ENTREP2: variants seen among roughly 807,000 people sequenced by gnomAD.
ENTREP2 encodes protein ENTREP2.
At chr15:29,254,655 G>A in the ENTREP2 span, among the ~76,000 whole-genome samples, 6 of 152,046 alleles carry the variant, frequency 3.9e-5, no homozygotes, top group Non-Finnish European at 7.4e-5. Flanking sequence ...TCAGGAGTTC[G>A]AGACCAGCCT....
At chr15:29,480,189 C>T in the ENTREP2 span, among the ~76,000 whole-genome samples, 1 of 151,916 alleles carries the variant, frequency 6.6e-6, no homozygotes, top group Non-Finnish European at 1.5e-5. Context: ...ATTCAAGTTA[C>T]TAGTATGCTT....
At chr15:29,665,590 A>G in the ENTREP2 span, among the ~76,000 whole-genome samples, 1 of 152,144 alleles carries the variant, frequency 6.6e-6, no homozygotes, top group African/African-American at 2.4e-5. Context: ...ATATTTGGAG[A>G]GCTGCGCTGA....
chr15:29,254,402 A>G, the ENTREP2 span, among the ~76,000 whole-genome samples: 1 of 152,112 alleles, frequency 6.6e-6, no homozygotes, highest in Non-Finnish European at 1.5e-5. Context: ...CCCCACTGAT[A>G]TTGGCCACTT....
chr15:29,298,459 A>C, the ENTREP2 span, among the ~76,000 whole-genome samples: 4 of 152,204 alleles, frequency 2.6e-5, no homozygotes, highest in Non-Finnish European at 2.9e-5. Context: ...TAAAACTGGC[A>C]AATCTGAGGT....
At chr15:29,399,882 T>G in the ENTREP2 span, among the ~76,000 whole-genome samples, 2 of 152,172 alleles carry the variant, frequency 1.3e-5, no homozygotes, top group African/African-American at 4.8e-5. Context: ...AAGGCCTTCA[T>G]CCTTGTCATC....
chr15:29,360,000 G>T, the ENTREP2 span, among the ~76,000 whole-genome samples: 1 of 152,130 alleles, frequency 6.6e-6, no homozygotes, highest in Non-Finnish European at 1.5e-5. Flanking sequence ...AAGAAAATCT[G>T]GTAACTAATA....
the ENTREP2 span, among the ~76,000 whole-genome samples, chr15:29,232,021 C>G: frequency 6.6e-6 from 1 of 151,786 alleles, no homozygotes; most frequent in African/African-American, 2.4e-5. Context: ...TCCTGAGTAG[C>G]TGGGATTACA....
At chr15:29,216,246 A>G in the ENTREP2 span, among the ~76,000 whole-genome samples, 1 of 152,212 alleles carries the variant, frequency 6.6e-6, no homozygotes, top group Admixed American at 6.5e-5. Flanking sequence ...ACTGGATACA[A>G]AATTCTTGGC....
At chr15:29,560,560 C>A in the ENTREP2 span, among the ~76,000 whole-genome samples, 2 of 152,034 alleles carry the variant, frequency 1.3e-5, no homozygotes, top group Non-Finnish European at 1.5e-5. Context: ...GCACTCACTG[C>A]ACAGTCATCA....
At chr15:29,548,403 T>C in the ENTREP2 span, among the ~76,000 whole-genome samples, 18 of 145,830 alleles carry the variant, frequency 1.2e-4, no homozygotes, top group African/African-American at 4.2e-4. Context: ...TGCAGTGAGC[T>C]GAGATCATGC....
the ENTREP2 span, among the ~76,000 whole-genome samples, chr15:29,129,357 C>A: frequency 6.6e-6 from 1 of 152,208 alleles, no homozygotes; most frequent in Non-Finnish European, 1.5e-5. Flanking sequence ...TGAGCCACCG[C>A]CCCTGGCCGA....
chr15:29,185,280 A>G, the ENTREP2 span, among the ~76,000 whole-genome samples: 1 of 152,064 alleles, frequency 6.6e-6, no homozygotes, highest in African/African-American at 2.4e-5. Context: ...ACCAGTGCCT[A>G]TCGGTTTCGG....
the ENTREP2 span, among the ~76,000 whole-genome samples, chr15:29,488,431 CATACCA>C: frequency 0.011 from 1,657 of 152,248 alleles, 28 homozygotes; most frequent in African/African-American, 0.038. Context: ...TGCCATCAAG[CATACCA>C]ATACCAAGTA....
chr15:29,519,313 G>C, the ENTREP2 span, among the ~76,000 whole-genome samples: 16 of 151,894 alleles, frequency 1.1e-4, no homozygotes, highest in Non-Finnish European at 2.2e-4. Flanking sequence ...CTTATATGTG[G>C]ATTTTTTTCC....
the ENTREP2 span, among the ~76,000 whole-genome samples, chr15:29,538,148 C>T: frequency 6.6e-6 from 1 of 152,094 alleles, no homozygotes; most frequent in Non-Finnish European, 1.5e-5. Flanking sequence ...ACAGCAGTGT[C>T]TGGGATAGGG....
At chr15:29,297,137 G>A in the ENTREP2 span, among the ~76,000 whole-genome samples, 14 of 152,164 alleles carry the variant, frequency 9.2e-5, no homozygotes, top group Middle Eastern at 3.4e-3. Context: ...TCTCTGAAGC[G>A]AACAAAATCT....
the ENTREP2 span, among the ~76,000 whole-genome samples, chr15:29,503,101 A>G: frequency 6.6e-6 from 1 of 152,122 alleles, no homozygotes; most frequent in African/African-American, 2.4e-5. Flanking sequence ...TTACATATAT[A>G]CCTAACAGTA....
the ENTREP2 span, among the ~76,000 whole-genome samples, chr15:29,444,949 G>A: frequency 1.3e-5 from 2 of 152,218 alleles, no homozygotes; most frequent in Non-Finnish European, 2.9e-5. Flanking sequence ...AAGGATGGAT[G>A]TATCAGACTG....
the ENTREP2 span, among the ~76,000 whole-genome samples, chr15:29,318,510 C>T: frequency 6.6e-6 from 1 of 152,016 alleles, no homozygotes; most frequent in Non-Finnish European, 1.5e-5. Context: ...TTAGTAGAGA[C>T]GGGGTTTCAC....
Sources: allele counts gnomAD v4.1 joint callset (sites outside exome capture counted in the v4.1 genomes callset), GRCh38; gene constraint gnomAD v4.1.1; transcripts MANE v1.5; gene names NCBI Gene and HGNC (gene_info 2026-07-23, HGNC 2026-07-21).